The following MICAL3 variants were observed in gnomAD, a reference collection of about 807,000 sequenced individuals.
The protein encoded by MICAL3 is [F-actin]-monooxygenase MICAL3.
A neutral mutation model predicts 207.4 loss-of-function variants in MICAL3; 62 were observed. That is an observed-to-expected ratio of 0.30 (90% confidence interval 0.24 to 0.37). MICAL3 has a LOEUF of 0.37. Among genes scored for constraint, MICAL3 ranks in the 10% least tolerant of loss-of-function variants. The probability of loss-of-function intolerance (pLI) is 1.00; values close to 1 mark genes in which losing one functional copy is unlikely to be tolerated. For missense variants in MICAL3, 2,368 were observed against 2,635.6 expected, an observed-to-expected ratio of 0.90 and a Z score of 2.22; for synonymous variants, 1,077 against 1,069.3, an observed-to-expected ratio of 1.01 and a Z score of -0.14.
At chr22:17,975,323 A>ATCT (rs1935585746) in intron 1 of MICAL3, among the ~76,000 whole-genome samples, 1 of 152,072 alleles carries the variant, frequency 6.6e-6, no homozygotes, top group African/African-American at 2.4e-5. Flanking sequence ...TCACCCAAGG[A>ATCT]TCTTGGTGGC....
At chr22:17,873,391 G>A (rs968394312) in intron 16 of MICAL3, among the ~76,000 whole-genome samples, 4 of 152,246 alleles carry the variant, frequency 2.6e-5, no homozygotes, top group African/African-American at 9.6e-5. Context: ...GCTTCCTGAC[G>A]CTTGACCCCA....
At chr22:17,986,903 A>G (rs376030736) in intron 1 of MICAL3, among the ~76,000 whole-genome samples, 39 of 152,178 alleles carry the variant, frequency 2.6e-4, no homozygotes, top group African/African-American at 9.2e-4. Context: ...ATTTAATTCC[A>G]TTTTATTTTC....
At chr22:17,925,130 T>C (rs997931425) in intron 1 of MICAL3, among the ~76,000 whole-genome samples, 8 of 151,994 alleles carry the variant, frequency 5.3e-5, no homozygotes, top group Non-Finnish European at 1.2e-4. Flanking sequence ...CTGGTAAATA[T>C]TCCAACCACA....
chr22:17,790,684 TGCCTG>T lies in MICAL3; in HGVS notation c.*43_*47del. On this transcript the variant is annotated 3_prime_UTR_variant, in exon 32 of 32. Transcript: ENST00000441493. The stretch of plus-strand genomic sequence containing the variant: ...CGGCTCCGGGTGGTTTGGATGCCAC[TGCCTG>T]GCCAGGCGGATGCCAACAGAAAATG... The T allele has an allele frequency of 6.6e-7, 1 of 1,522,974 alleles. No homozygotes were observed. Among genetic ancestry groups the T allele is most frequent in the Admixed American group, 2.0e-5 (1 of 48,964 alleles). 94.3% of individuals were successfully genotyped at this position (1,522,974 alleles called of 1,614,324 possible).
Position 17,787,901 on chromosome 22 carries a change from G to A in MICAL3, c.*2831C>T, listed in dbSNP as rs1028065959. 1 of 152,264 alleles carries A rather than the reference G, an allele frequency of 6.6e-6. No individual in the cohort carries two copies. Among genetic ancestry groups the A allele is most frequent in the Non-Finnish European group, 1.5e-5 (1 of 68,050 alleles). The allele number at this position is 152,264 out of a possible 1,614,324, so 9.4% of individuals were successfully genotyped here. On this transcript the variant is annotated 3_prime_UTR_variant, in exon 32 of 32. Coordinates refer to ENST00000441493, the MANE Select transcript of MICAL3 (RefSeq NM_015241.3). The stretch of plus-strand genomic sequence containing the variant: ...GTGCAGCATCCTCAAGCCCAGGGGC[G>A]GGAGCGCCTCCGGCCTGCCCTCCAG...
At chr22:17,906,952 T>C (rs2146268659) in intron 1 of MICAL3, 66 bp from the exon 2 acceptor site, 1 of 843,150 alleles carries the variant, frequency 1.2e-6, no homozygotes, top group Non-Finnish European at 1.8e-6. Context: ...AGGAGACATA[T>C]TCCTCTTCAA....
chr22:18,023,824 C>A lies in MICAL3; in HGVS notation c.-75+457G>T, dbSNP rs536113528. The stretch of plus-strand genomic sequence containing the variant: ...TTCCCCGCGCAAAGCAGCCGCTGCT[C>A]CTAATGAGCTCATGGGTTCACCGCG... On this transcript the variant is annotated intron_variant, in intron 1 of 31. Coordinates refer to ENST00000441493, the MANE Select transcript of MICAL3 (RefSeq NM_015241.3). 2.0e-5 allele frequency among the ~76,000 whole-genome samples: 3 copies of A among 152,356 alleles called. No individual in the cohort carries two copies. In the East Asian group the frequency reaches 5.8e-4, roughly 30 times the overall value.
In MICAL3 at chr22:17,887,430, A is replaced by G. The variant is rs1422189617; in HGVS notation, c.1897T>C (p.Leu633=). The stretch of plus-strand genomic sequence containing the variant: ...GCTTTCTCCTCGGCATTTAGGTCCA[A>G]GGTGTCTGGGAATAGAAACCAGTGA... The part of the protein sequence containing the change: ...FKDSLPSSDT[L]DLNAEEKAVL... Residue 633 remains leucine (L), a synonymous_variant, in exon 14 of 32, where the codon TTG becomes CTG. Transcript: ENST00000441493. The G allele has an allele frequency of 6.2e-7, 1 of 1,611,414 alleles. No individual in the cohort carries two copies. Among genetic ancestry groups the G allele is most frequent in the Non-Finnish European group, 8.5e-7 (1 of 1,178,188 alleles).
At chr22:17,909,376 T>C (rs1191642722) in intron 1 of MICAL3, among the ~76,000 whole-genome samples, 1 of 151,938 alleles carries the variant, frequency 6.6e-6, no homozygotes, top group African/African-American at 2.4e-5. Flanking sequence ...AATACAAAAA[T>C]TAGCCAGGTG....
At chr22:17,826,949 G>A (rs1206533979) in intron 22 of MICAL3, among the ~76,000 whole-genome samples, 10 of 152,228 alleles carry the variant, frequency 6.6e-5, no homozygotes, top group African/African-American at 2.4e-4. Context: ...GGTGTGGCCC[G>A]TGACCGGCGC....
At chr22:18,007,738 G>A (rs1428376532) in intron 1 of MICAL3, among the ~76,000 whole-genome samples, 1 of 151,818 alleles carries the variant, frequency 6.6e-6, no homozygotes, top group African/African-American at 2.4e-5. Context: ...TGGATCATGA[G>A]GTCAGGTGAT....
intron 1 of MICAL3, among the ~76,000 whole-genome samples, chr22:18,010,304 G>C (rs1188140479): frequency 2.0e-5 from 3 of 151,758 alleles, no homozygotes; most frequent in African/African-American, 7.3e-5. Context: ...GTGAACTTCT[G>C]TTTGATTTAA....
chr22:17,877,588 A>C (rs930323774), intron 16 of MICAL3, among the ~76,000 whole-genome samples: 3 of 151,160 alleles, frequency 2.0e-5, no homozygotes, highest in Admixed American at 1.3e-4. Flanking sequence ...GAAGTTATGG[A>C]GGTTAGGGAG....
intron 9 of MICAL3, 69 bp downstream of exon 9, chr22:17,896,177 G>A (rs1427071767): frequency 1.2e-6 from 1 of 825,804 alleles, no homozygotes; most frequent in African/African-American, 1.7e-5. Flanking sequence ...CTTGCACTCT[G>A]CCTGAAGAGT....
chr22:17,940,979 C>T (rs1933779570), intron 1 of MICAL3, among the ~76,000 whole-genome samples: 2 of 152,164 alleles, frequency 1.3e-5, no homozygotes, highest in South Asian at 4.1e-4. Context: ...AAAGAAAGCA[C>T]CAGACACCCA....
chr22:17,808,660 G>A (rs1289238975), intron 29 of MICAL3, among the ~76,000 whole-genome samples, 184 bp downstream of exon 29: 2 of 152,212 alleles, frequency 1.3e-5, no homozygotes, highest in African/African-American at 4.8e-5. Context: ...ATGGGCCTGG[G>A]GCTGTCTCAG....
At position 17,793,385 on chromosome 22, in the gene MICAL3, G is replaced by A. The variant is rs115135025; in HGVS notation, c.5651-2084C>T. 3.7e-3 allele frequency among the ~76,000 whole-genome samples: 570 copies of A among 152,226 alleles called. 4 individuals carry two copies. Among genetic ancestry groups the A allele is most frequent in the African/African-American group, 0.013 (537 of 41,546 alleles). ...ATTCCTTGACTCTCCCATCCAAATC[G>A]CTGCACGCAGGCGGGAGGCTCCTCA... On this transcript the variant is annotated intron_variant, in intron 29 of 31. Coordinates refer to ENST00000441493, the MANE Select transcript of MICAL3 (RefSeq NM_015241.3). This position sits in a 1 kb window ranked among gnomAD's most constrained non-coding sequence, Gnocchi z 4.1.
intron 1 of MICAL3, among the ~76,000 whole-genome samples, chr22:18,009,072 A>T (rs1923575258): frequency 6.6e-6 from 1 of 151,848 alleles, no homozygotes; most frequent in Non-Finnish European, 1.5e-5. Context: ...AATTCTATGC[A>T]GTGGAAACAG....
rs1399738086 is a variant in MICAL3, at chr22:17,900,584, A to G, written c.847+258T>C. Among the ~76,000 whole-genome samples, 2 of 152,232 alleles carry G rather than the reference A, an allele frequency of 1.3e-5. No homozygotes were observed. Among genetic ancestry groups the G allele is most frequent in the African/African-American group, 4.8e-5 (2 of 41,452 alleles). On this transcript the variant is annotated intron_variant, in intron 6 of 31. Coordinates refer to ENST00000441493, the MANE Select transcript of MICAL3 (RefSeq NM_015241.3). The surrounding 1 kb of genome is among the most constrained non-coding windows in gnomAD (Gnocchi z 4.0). ...GCCACTGAACTCCAGCCTGGGCAAC[A>G]GAGCGAGACCTTGTCTCAAACAAAA...
Sources: allele counts gnomAD v4.1 joint callset (sites outside exome capture counted in the v4.1 genomes callset), GRCh38; gene constraint gnomAD v4.1.1; non-coding constraint Gnocchi (gnomAD v3.1); transcripts MANE v1.5; gene names NCBI Gene and HGNC (gene_info 2026-07-23, HGNC 2026-07-21).